C10orf67: variants seen among roughly 807,000 people sequenced by gnomAD.
C10orf67 encodes the protein uncharacterized protein C10orf67, mitochondrial.
C10orf67 carries 60 observed loss-of-function variants against 35.6 expected under a neutral mutation model. The observed-to-expected ratio is 1.68, with a 90% CI of 1.37 to 2.09. The LOEUF is 2.09. Among genes scored for constraint, C10orf67 ranks in the 30% most tolerant of loss-of-function variants. The pLI, the probability that C10orf67 is intolerant of heterozygous loss-of-function variation, is 0.00. For synonymous variants in C10orf67, 167 were observed against 115.8 expected, an observed-to-expected ratio of 1.44 and a Z score of -2.84; for missense variants, 474 against 330.2, an observed-to-expected ratio of 1.44 and a Z score of -3.38.
intron 8 of C10orf67, among the ~76,000 whole-genome samples, chr10:23,281,359 T>A (rs1160420144): frequency 1.3e-5 from 2 of 152,196 alleles, no homozygotes; most frequent in Admixed American, 6.5e-5. Flanking sequence ...TTCCAAACAG[T>A]ATCATATTCT....
intron 2 of C10orf67, among the ~76,000 whole-genome samples, chr10:23,326,867 C>G (rs981648275): frequency 6.6e-6 from 1 of 151,828 alleles, no homozygotes; most frequent in African/African-American, 2.4e-5. Context: ...TGGGAAAGAA[C>G]GATGAGCAAA....
At chr10:23,332,204 G>A (rs957927036) in intron 2 of C10orf67, among the ~76,000 whole-genome samples, 2 of 152,210 alleles carry the variant, frequency 1.3e-5, no homozygotes, top group African/African-American at 4.8e-5. Context: ...GTGATGTAAT[G>A]TACTTGTGAA....
At chr10:23,220,825 A>T (rs1841556408) in intron 15 of C10orf67, among the ~76,000 whole-genome samples, 2 of 152,256 alleles carry the variant, frequency 1.3e-5, no homozygotes, top group Admixed American at 6.5e-5. Context: ...ACATAATTTC[A>T]CAAAGTATTT....
At position 23,303,336 on chromosome 10, in the gene C10orf67, C is replaced by T; in HGVS notation, c.670G>A (p.Asp224Asn). ...TGAAATCCAAAATCTTTATATTGGT[C>T]TAGTTCTTCTTTTAATTCTTTAATA... ...EVIKELKEEL[D>N]QYKDFGFHKM... The change falls in exon 5 of 16, where the codon GAC becomes AAC. Residue 224 changes from aspartate (D) to asparagine (N), a missense_variant. By Grantham distance (23) the Asp-to-Asn change is conservative. Coordinates refer to ENST00000636213, the MANE Select transcript of C10orf67 (RefSeq NM_001371909.1). The T allele has an allele frequency of 3.3e-6, 2 of 612,522 alleles. No individual in the cohort carries two copies. The highest frequency in any genetic ancestry group is 5.9e-6 in the Non-Finnish European group (2 of 341,816). The allele number at this position is 612,522 out of a possible 1,614,324, so 37.9% of individuals were successfully genotyped here. A position where few individuals can be genotyped will look rare whatever the true frequency, so the allele number is the denominator to read the frequency against.
Position 23,239,752 on chromosome 10 carries a change from C to A in C10orf67, c.1411G>T (p.Ala471Ser). 1.5e-6 allele frequency: 1 copy of A among 660,194 alleles called. No homozygotes were observed. Among genetic ancestry groups the A allele is most frequent in the Non-Finnish European group, 2.9e-6 (1 of 342,780 alleles). The allele number at this position is 660,194 out of a possible 1,614,324, so 40.9% of individuals were successfully genotyped here. ...HTLFRQFAVL[A>S]DTSFNYIKVK... ...ACAATATAATTGAAGGATGTGTCAG[C>A]AAGCACTGCAAACTGACGAAACAGT... Residue 471 changes from alanine (A) to serine (S), a missense_variant, in exon 13 of 16, where the codon GCT becomes TCT. Coordinates refer to ENST00000636213, the MANE Select transcript of C10orf67 (RefSeq NM_001371909.1).
chr10:23,308,034 G>T (rs1022014628), intron 4 of C10orf67, among the ~76,000 whole-genome samples: 1 of 152,012 alleles, frequency 6.6e-6, no homozygotes. Context: ...ATTCTACTAG[G>T]GCCCTTAAGT....
chr10:23,241,017 G>A (rs1307243782), intron 12 of C10orf67, among the ~76,000 whole-genome samples: 1 of 152,224 alleles, frequency 6.6e-6, no homozygotes, highest in Non-Finnish European at 1.5e-5. Flanking sequence ...TACCTTTCAT[G>A]AAAGAAGATA....
chr10:23,335,449 G>A (rs1328250463), intron 1 of C10orf67, among the ~76,000 whole-genome samples: 1 of 152,146 alleles, frequency 6.6e-6, no homozygotes, highest in Non-Finnish European at 1.5e-5. Flanking sequence ...TAGACTTACT[G>A]TGAGAATTTA....
At position 23,203,457 on chromosome 10, in the gene C10orf67, TA is replaced by T. The variant is rs1841074001; in HGVS notation, c.*715del. On this transcript the variant is annotated 3_prime_UTR_variant, in exon 16 of 16. Transcript: ENST00000636213. ...TGTAATCCAGAGCCTACGATTCAGA[TA>T]CAGGCTCTTAACAAGGCCTTACTTG... The T allele has an allele frequency of 6.6e-6, 1 of 152,240 alleles. No individual in the cohort carries two copies. The highest frequency in any genetic ancestry group is 1.5e-5 in the Non-Finnish European group (1 of 68,040). The allele number at this position is 152,240 out of a possible 1,614,324, so 9.4% of individuals were successfully genotyped here.
chr10:23,247,980 G>A (rs1016468798), intron 12 of C10orf67, among the ~76,000 whole-genome samples: 1 of 152,190 alleles, frequency 6.6e-6, no homozygotes, highest in Non-Finnish European at 1.5e-5. Context: ...TATGAGCAGA[G>A]TGGGCCTTCA....
rs1031154126 is a variant in C10orf67 at position 23,298,249 on chromosome 10, T to C, written c.702+5055A>G. Among the ~76,000 whole-genome samples the C allele has an allele frequency of 2.6e-5, 4 of 151,988 alleles. No individual in the cohort carries two copies. In the South Asian group the frequency reaches 8.3e-4, roughly 32 times the overall value. ...CAGCCTGGGCGACAGAGTGAGACTCTGTCTCAAAAAAACAAACAAACAAAA... is the reference window on the plus strand; with the variant it reads ...CAGCCTGGGCGACAGAGTGAGACTCCGTCTCAAAAAAACAAACAAACAAAA... On this transcript the variant is annotated intron_variant, in intron 5 of 15. Transcript: ENST00000636213.
chr10:23,287,424 T>C (rs911856086), intron 7 of C10orf67, among the ~76,000 whole-genome samples: 2 of 152,206 alleles, frequency 1.3e-5, no homozygotes, highest in South Asian at 4.1e-4. Context: ...GCTAGCCATA[T>C]GCAGAAAACT....
chr10:23,242,147 T>C (rs1379062435), intron 12 of C10orf67, among the ~76,000 whole-genome samples: 1 of 152,056 alleles, frequency 6.6e-6, no homozygotes, highest in African/African-American at 2.4e-5. Context: ...TATTTTTGTA[T>C]TTTTAGTAGA....
Position 23,284,481 on chromosome 10 carries a change from G to C in C10orf67, c.910-2403C>G, listed in dbSNP as rs145817973. Among the ~76,000 whole-genome samples, 827 of 150,720 alleles carry C rather than the reference G, an allele frequency of 5.5e-3. 11 individuals are homozygous for C. The highest frequency in any genetic ancestry group is 0.019 in the African/African-American group (791 of 40,850). Reference sequence around the variant, plus strand: ...GAGGATCCCTTGAGCCCAGGAGTTCGAGACCAGCCTGAGCAACATAGTGAG... The same window carrying C: ...GAGGATCCCTTGAGCCCAGGAGTTCCAGACCAGCCTGAGCAACATAGTGAG... On this transcript the variant is annotated intron_variant, in intron 7 of 15. Coordinates refer to ENST00000636213, the MANE Select transcript of C10orf67 (RefSeq NM_001371909.1).
At chr10:23,221,026 C>T (rs927703139) in intron 15 of C10orf67, among the ~76,000 whole-genome samples, 5 of 152,112 alleles carry the variant, frequency 3.3e-5, no homozygotes, top group African/African-American at 1.2e-4. Flanking sequence ...GTTATAGTAA[C>T]CCCTTATGTT....
intron 7 of C10orf67, among the ~76,000 whole-genome samples, chr10:23,288,354 C>T (rs1383206112): frequency 6.6e-6 from 1 of 152,160 alleles, no homozygotes; most frequent in Non-Finnish European, 1.5e-5. Context: ...TCATCCTCAG[C>T]AAACTAACAC....
intron 5 of C10orf67, among the ~76,000 whole-genome samples, chr10:23,292,866 GAACT>G (rs1349680999): frequency 6.6e-6 from 1 of 152,020 alleles, no homozygotes; most frequent in East Asian, 1.9e-4. Context: ...TAACTAATGA[GAACT>G]AACAAACCTA....
chr10:23,248,317 C>G (rs1264501729), intron 12 of C10orf67, among the ~76,000 whole-genome samples: 1 of 152,180 alleles, frequency 6.6e-6, no homozygotes, highest in Non-Finnish European at 1.5e-5. Flanking sequence ...ATATGCCACA[C>G]CAGCATACTG....
intron 3 of C10orf67, among the ~76,000 whole-genome samples, chr10:23,321,194 C>A (rs1844942035): frequency 6.6e-6 from 1 of 152,288 alleles, no homozygotes; most frequent in East Asian, 1.9e-4. Context: ...GAAAAGAAAT[C>A]TATACAGCTA....
Sources: allele counts gnomAD v4.1 joint callset (sites outside exome capture counted in the v4.1 genomes callset), GRCh38; gene constraint gnomAD v4.1.1; transcripts MANE v1.5; gene names NCBI Gene and HGNC (gene_info 2026-07-23, HGNC 2026-07-21).